PVT1: variants seen among roughly 807,000 people sequenced by gnomAD.
PVT1 encodes Pvt1 oncogene.
chr8:127,892,521 A>G (rs1815624281), intron 3 of PVT1, among the ~76,000 whole-genome samples: 2 of 152,306 alleles, frequency 1.3e-5, no homozygotes, highest in East Asian at 1.9e-4. Flanking sequence ...TAGGAGAGCA[A>G]TGGTTTATCC....
chr8:128,040,464 C>T (rs1054265904), intron 4 of PVT1, among the ~76,000 whole-genome samples: 3 of 152,218 alleles, frequency 2.0e-5, no homozygotes, highest in Admixed American at 1.3e-4. Flanking sequence ...CTCTTTCTGT[C>T]TCTCTCTTCA....
intron 5 of PVT1, among the ~76,000 whole-genome samples, chr8:128,077,533 G>A (rs997381900): frequency 6.6e-6 from 1 of 152,122 alleles, no homozygotes; most frequent in African/African-American, 2.4e-5. Flanking sequence ...CTATAACTGA[G>A]CTTCCAAAAA....
At chr8:127,969,018 T>C (rs1816734416) in intron 3 of PVT1, among the ~76,000 whole-genome samples, 1 of 152,106 alleles carries the variant, frequency 6.6e-6, no homozygotes, top group African/African-American at 2.4e-5. Context: ...GAGAAAACAT[T>C]TCTGTTGTTT....
chr8:128,098,185 G>A (rs1053681564), intron 6 of PVT1, among the ~76,000 whole-genome samples: 1 of 152,082 alleles, frequency 6.6e-6, no homozygotes, highest in African/African-American at 2.4e-5. Flanking sequence ...AACAGGGCTG[G>A]GCTCAGGGGT....
At chr8:127,879,988 G>A (rs1004141940) in intron 2 of PVT1, among the ~76,000 whole-genome samples, 3 of 152,232 alleles carry the variant, frequency 2.0e-5, no homozygotes, top group Non-Finnish European at 2.9e-5. Context: ...GACATTGAAC[G>A]AGATTATTTC....
At chr8:128,043,341 T>G (rs1813568729) in intron 4 of PVT1, among the ~76,000 whole-genome samples, 1 of 152,210 alleles carries the variant, frequency 6.6e-6, no homozygotes, top group African/African-American at 2.4e-5. Flanking sequence ...ATTCCTGAAT[T>G]GCTCTCCATG....
intron 3 of PVT1, among the ~76,000 whole-genome samples, chr8:127,985,322 G>A (rs141533787): frequency 0.043 from 6,477 of 151,716 alleles, 269 homozygotes; most frequent in African/African-American, 0.1. Context: ...GTGAGCCACC[G>A]CGCCCAGCCT....
intron 4 of PVT1, among the ~76,000 whole-genome samples, chr8:128,018,825 C>G (rs944988355): frequency 1.3e-5 from 2 of 152,324 alleles, no homozygotes; most frequent in South Asian, 2.1e-4. Context: ...CCCTCCTCCC[C>G]CCACCACTTA....
rs576007508 is a variant in PVT1, at chr8:127,839,523, C to T, written n.372+43452C>T. Reference sequence around the variant, plus strand: ...CGTGATTGTGCCACTGCACTCCAGCCTGGGTGAGAGAGTGAGATCCTATCT... The same window carrying T: ...CGTGATTGTGCCACTGCACTCCAGCTTGGGTGAGAGAGTGAGATCCTATCT... On this transcript the variant is annotated intron_variant and non_coding_transcript_variant, in intron 2 of 10. Transcript: ENST00000651587. Among the ~76,000 whole-genome samples, 247 of 145,672 alleles carry T rather than the reference C, an allele frequency of 1.7e-3. 3 individuals carry two copies. Among genetic ancestry groups the T allele is most frequent in the Admixed American group, 4.9e-3 (69 of 14,140 alleles).
chr8:127,826,603 A>G lies in PVT1; in HGVS notation n.372+30532A>G, dbSNP rs557448014. Among the ~76,000 whole-genome samples, 10 of 152,326 alleles carry G rather than the reference A, an allele frequency of 6.6e-5. No homozygotes were observed. The East Asian group carries it at 1.7e-3, about 26-fold the overall frequency. On this transcript the variant is annotated intron_variant and non_coding_transcript_variant, in intron 2 of 10. Transcript: ENST00000651587. ...TTCCATTTGTGTGTAAAGGAGGATA[A>G]CACACACAGACTTACATATACACAC...
At chr8:127,929,592 C>A (rs1443119785) in intron 3 of PVT1, among the ~76,000 whole-genome samples, 1 of 152,114 alleles carries the variant, frequency 6.6e-6, no homozygotes, top group Non-Finnish European at 1.5e-5. Flanking sequence ...CGGTGAAACC[C>A]CGTCTCTACT....
At chr8:128,062,461 C>T (rs1350891265) in intron 4 of PVT1, among the ~76,000 whole-genome samples, 1 of 152,136 alleles carries the variant, frequency 6.6e-6, no homozygotes, top group Non-Finnish European at 1.5e-5. Context: ...TGAAGGATTT[C>T]CTCTTTCCCC....
At chr8:127,876,998 G>C (rs1425330693) in intron 2 of PVT1, among the ~76,000 whole-genome samples, 1 of 152,200 alleles carries the variant, frequency 6.6e-6, no homozygotes, top group Non-Finnish European at 1.5e-5. Flanking sequence ...CGGAAGCCCA[G>C]CTAATCCAGG....
intron 3 of PVT1, among the ~76,000 whole-genome samples, chr8:127,984,997 C>A (rs1816946140): frequency 8.9e-6 from 1 of 112,736 alleles, no homozygotes; most frequent in African/African-American, 4.4e-5. Context: ...CTTTCTCTTT[C>A]CTTCCTTCCT....
chr8:127,854,010 G>A (rs527746453), intron 2 of PVT1, among the ~76,000 whole-genome samples: 24 of 152,020 alleles, frequency 1.6e-4, no homozygotes, highest in African/African-American at 4.8e-4. Flanking sequence ...CCAGCCCCAC[G>A]TGCCAACTTG....
At position 128,049,273 on chromosome 8, in the gene PVT1, T is replaced by C. The variant is rs1394816020; in HGVS notation, n.913-20887T>C. On this transcript the variant is annotated intron_variant and non_coding_transcript_variant, in intron 4 of 10. Transcript: ENST00000651587. Reference sequence around the variant, plus strand: ...TACACAGAAGCAGGTCATTTCGAGATGTTTGCGTCTTGGAGCCACTGATAG... The same window carrying C: ...TACACAGAAGCAGGTCATTTCGAGACGTTTGCGTCTTGGAGCCACTGATAG... 5 of 502,354 alleles carry C rather than the reference T, an allele frequency of 1.0e-5. No individual in the cohort carries two copies. In the Admixed American group the frequency reaches 1.1e-4, roughly 11 times the overall value. 31.1% of individuals were successfully genotyped at this position (502,354 alleles called of 1,614,324 possible).
At chr8:128,094,641 G>A (rs1814402647) in intron 5 of PVT1, among the ~76,000 whole-genome samples, 1 of 152,230 alleles carries the variant, frequency 6.6e-6, no homozygotes, top group South Asian at 2.1e-4. Context: ...TGGGTAAAAT[G>A]TTAAAGTGCT....
chr8:128,037,271 T>TA (rs1266937444), intron 4 of PVT1, among the ~76,000 whole-genome samples: 1 of 152,274 alleles, frequency 6.6e-6, no homozygotes. Context: ...TGATGGGACA[T>TA]ACGCCCATTT....
At chr8:127,917,568 A>G (rs1816002540) in intron 3 of PVT1, among the ~76,000 whole-genome samples, 2 of 152,182 alleles carry the variant, frequency 1.3e-5, no homozygotes, top group South Asian at 2.1e-4. Context: ...GGAGTTCTCA[A>G]TTGCTGGCTT....
Sources: gnomAD v4.1 joint callset for allele counts (sites outside exome capture counted in the v4.1 genomes callset) on GRCh38, gnomAD v4.1.1 for gene constraint, MANE v1.5 for transcripts, NCBI Gene and HGNC (gene_info 2026-07-23, HGNC 2026-07-21) for gene names.